LIPT2: variants seen among roughly 807,000 people sequenced by gnomAD.
LIPT2 encodes the protein octanoyl-[acyl-carrier-protein]:protein N-octanoyltransferase LIPT2, mitochondrial.
LIPT2 carries 16 observed loss-of-function variants against 16.2 expected under a neutral mutation model. The ratio of observed to expected loss-of-function variants is 0.99; its 90% CI spans 0.67 to 1.50. The LOEUF is 1.50. LIPT2 is among the 40% of genes most tolerant of loss of function. The pLI, the probability that LIPT2 is intolerant of heterozygous loss-of-function variation, is 0.00. For missense variants in LIPT2, 424 were observed against 347.7 expected (o/e 1.22, Z -1.75); for synonymous variants, 199 against 169.3 (o/e 1.18, Z -1.36).
In LIPT2 at chr11:74,492,098, C is replaced by T. The variant is rs1335994381; in HGVS notation, c.*37G>A. On this transcript the variant is annotated 3_prime_UTR_variant, in exon 2 of 2. Transcript: ENST00000310109. ...GTGACTCAAGTCAGACTTCATGCTTCCCAAGGCAGGAGCATCCTGGCTGTT... is the reference window on the plus strand; with the variant it reads ...GTGACTCAAGTCAGACTTCATGCTTTCCAAGGCAGGAGCATCCTGGCTGTT... 6.6e-7 allele frequency: 1 copy of T among 1,506,134 alleles called. No individual in the cohort carries two copies. Among genetic ancestry groups the T allele is most frequent in the African/African-American group, 1.4e-5 (1 of 72,136 alleles). 93.3% of individuals were successfully genotyped at this position (1,506,134 alleles called of 1,614,324 possible). A position where few individuals can be genotyped will look rare whatever the true frequency, so the allele number is the denominator to read the frequency against.
rs1297274437 is a variant in LIPT2 at position 74,493,713 on chromosome 11, C to G, written c.-10G>C. On this transcript the variant is annotated 5_prime_UTR_variant, in exon 1 of 2. Coordinates refer to ENST00000310109, the MANE Select transcript of LIPT2 (RefSeq NM_001144869.3). ...CGGCGGGTTGCCGCATCGTGCCCAC[C>G]GTTGCGTCCGCGGGGCCCCGCCCTC... 2 of 1,355,696 alleles carry G rather than the reference C, an allele frequency of 1.5e-6. No homozygotes were observed. The highest frequency in any genetic ancestry group is 1.9e-6 in the Non-Finnish European group (2 of 1,061,276). The allele number at this position is 1,355,696 out of a possible 1,614,324, so 84.0% of individuals were successfully genotyped here.
Position 74,491,879 on chromosome 11 carries a change from C to G in LIPT2, c.*256G>C, listed in dbSNP as rs953062623. 2 of 466,404 alleles carry G rather than the reference C, an allele frequency of 4.3e-6. No homozygotes were observed. The highest frequency in any genetic ancestry group is 7.9e-6 in the Non-Finnish European group (2 of 254,278). The allele number at this position is 466,404 out of a possible 1,614,324, so 28.9% of individuals were successfully genotyped here. On this transcript the variant is annotated 3_prime_UTR_variant, in exon 2 of 2. Coordinates refer to ENST00000310109, the MANE Select transcript of LIPT2 (RefSeq NM_001144869.3). ...CTGAATTTCTCTGAGACACTGCTGT[C>G]AATAGCAGTGCTAATGTTTTATATA...
At position 74,490,700 on chromosome 11, in the gene LIPT2, AAAAAT is replaced by A. The variant is rs1281729967; in HGVS notation, c.*1430_*1434del. The stretch of plus-strand genomic sequence containing the variant: ...ACATAGCAAAGCCTCATTTCTTAAA[AAAAAT>A]AAAAATAAAATAAAATAAAAATAAC... On this transcript the variant is annotated 3_prime_UTR_variant, in exon 2 of 2. Coordinates refer to ENST00000310109, the MANE Select transcript of LIPT2 (RefSeq NM_001144869.3). Among the ~76,000 whole-genome samples, 12 of 152,286 alleles carry A rather than the reference AAAAAT, an allele frequency of 7.9e-5. No individual in the cohort carries two copies. Among genetic ancestry groups the A allele is most frequent in the African/African-American group, 2.9e-4 (12 of 41,552 alleles).
chr11:74,493,521 C>A lies in LIPT2; in HGVS notation c.183G>T (p.Leu61=). The change falls in exon 1 of 2, where the codon CTG becomes CTT. Residue 61 remains leucine, a synonymous_variant. Coordinates refer to ENST00000310109, the MANE Select transcript of LIPT2 (RefSeq NM_001144869.3). The part of the protein sequence containing the change: ...EPAGPVYTAG[L]RGGLTPEETA... ...TTTCCTCGGGCGTCAGGCCGCCGCG[C>A]AGCCCGGCCGTATACACGGGCCCCG... 7.0e-7 allele frequency: 1 copy of A among 1,421,672 alleles called. No individual in the cohort carries two copies. The highest frequency in any genetic ancestry group is 1.4e-5 in the South Asian group (1 of 69,270). 88.1% of individuals were successfully genotyped at this position (1,421,672 alleles called of 1,614,324 possible).
At position 74,493,203 on chromosome 11, in the gene LIPT2, G is replaced by C; in HGVS notation, c.466+35C>G. On this transcript the variant is annotated intron_variant, in intron 1 of 1. Coordinates refer to ENST00000310109, the MANE Select transcript of LIPT2 (RefSeq NM_001144869.3). ...CCCCCAGGCCTCAAGCTCCGACCTCGGCTCTCAGGTACCGCCCTGCTCCGC... is the reference window on the plus strand; with the variant it reads ...CCCCCAGGCCTCAAGCTCCGACCTCCGCTCTCAGGTACCGCCCTGCTCCGC... 4 of 1,307,750 alleles carry C rather than the reference G, an allele frequency of 3.1e-6. No individual in the cohort carries two copies. In the South Asian group the frequency reaches 8.3e-5, roughly 27 times the overall value. 81.0% of individuals were successfully genotyped at this position (1,307,750 alleles called of 1,614,324 possible). A position where few individuals can be genotyped will look rare whatever the true frequency, so the allele number is the denominator to read the frequency against.
Position 74,493,288 on chromosome 11 carries a change from G to A in LIPT2, c.416C>T (p.Pro139Leu). ...LQGLQDARAR[P>L]PPYTGVWLDD... ...TAGCCAGACGCCAGTGTAGGGCGGG[G>A]GCCGCGCGCGGGCGTCCTGCAGGCC... Residue 139 changes from proline (P) to leucine (L), a missense_variant, in exon 1 of 2, where the codon CCC (proline) becomes CTC (leucine). Coordinates refer to ENST00000310109, the MANE Select transcript of LIPT2 (RefSeq NM_001144869.3). 7.1e-7 allele frequency: 1 copy of A among 1,417,874 alleles called. No individual in the cohort carries two copies. 87.8% of individuals were successfully genotyped at this position (1,417,874 alleles called of 1,614,324 possible). A position where few individuals can be genotyped will look rare whatever the true frequency, so the allele number is the denominator to read the frequency against.
Position 74,493,279 on chromosome 11 carries a change from T to C in LIPT2, c.425A>G (p.Tyr142Cys). The part of the protein sequence containing the change: ...LQDARARPPP[Y>C]TGVWLDDRKI... ...GCGATCGTCTAGCCAGACGCCAGTG[T>C]AGGGCGGGGGCCGCGCGCGGGCGTC... Residue 142 changes from tyrosine to cysteine, a missense_variant, in exon 1 of 2, where the codon TAC becomes TGC. Physicochemically the swap from Tyr to Cys is radical, Grantham distance 194 (BLOSUM62 -2). Coordinates refer to ENST00000310109, the MANE Select transcript of LIPT2 (RefSeq NM_001144869.3). The C allele has an allele frequency of 4.3e-6, 6 of 1,410,266 alleles. No homozygotes were observed. The highest frequency in any genetic ancestry group is 2.0e-4 in the Middle Eastern group (1 of 5,106). The allele number at this position is 1,410,266 out of a possible 1,614,324, so 87.4% of individuals were successfully genotyped here. A position where few individuals can be genotyped will look rare whatever the true frequency, so the allele number is the denominator to read the frequency against.
rs888721791 is a variant in LIPT2, at chr11:74,493,632, G to A, written c.72C>T (p.Asp24=). 1.4e-5 allele frequency: 21 copies of A among 1,459,588 alleles called. No homozygotes were observed. The Admixed American group carries it at 4.6e-4, about 32-fold the overall frequency. 90.4% of individuals were successfully genotyped at this position (1,459,588 alleles called of 1,614,324 possible). A position where few individuals can be genotyped will look rare whatever the true frequency, so the allele number is the denominator to read the frequency against. ...VPYAELLGLQ[D]RWLRRLQAEP... is the part of the protein sequence containing the mutation. ...CGGCCTGCAGCCGCCGCAGCCAGCG[G>A]TCCTGCAGCCCCAGTAGCTCGGCGT... is the stretch of plus-strand genomic sequence containing the variant. The change falls in exon 1 of 2, where the codon GAC becomes GAT. Residue 24 remains aspartate (D), a synonymous_variant. Coordinates refer to ENST00000310109, the MANE Select transcript of LIPT2 (RefSeq NM_001144869.3).
At position 74,493,718 on chromosome 11, in the gene LIPT2, C is replaced by A. The variant is rs1252840431; in HGVS notation, c.-15G>T. On this transcript the variant is annotated 5_prime_UTR_variant, in exon 1 of 2. Transcript: ENST00000310109. Reference sequence around the variant, plus strand: ...GGTTGCCGCATCGTGCCCACCGTTGCGTCCGCGGGGCCCCGCCCTCTCCGT... The same window carrying A: ...GGTTGCCGCATCGTGCCCACCGTTGAGTCCGCGGGGCCCCGCCCTCTCCGT... 2.2e-6 allele frequency: 3 copies of A among 1,351,724 alleles called. No homozygotes were observed. The highest frequency in any genetic ancestry group is 1.5e-5 in the African/African-American group (1 of 65,158). 83.7% of individuals were successfully genotyped at this position (1,351,724 alleles called of 1,614,324 possible).
At chr11:74,492,903 C>CAAA (rs147536336) in intron 1 of LIPT2, among the ~76,000 whole-genome samples, 4 of 103,496 alleles carry the variant, frequency 3.9e-5, no homozygotes, top group East Asian at 2.7e-4. Context: ...GACTCTGTCT[C>CAAA]AAAAAAAAAA....
At chr11:74,493,197 G>C in intron 1 of LIPT2, 41 bp downstream of exon 1, 2 of 1,301,994 alleles carry the variant, frequency 1.5e-6, no homozygotes, top group Non-Finnish European at 9.8e-7. Context: ...CTCAAGCTCC[G>C]ACCTCGGCTC....
chr11:74,491,838 TAAC>T lies in LIPT2; in HGVS notation c.*294_*296del, dbSNP rs1374469344. ...ATCTATGACATCAACAATCGAGAAA[TAAC>T]AATCTATGACATCTGAATTTCTCTG... On this transcript the variant is annotated 3_prime_UTR_variant, in exon 2 of 2. Coordinates refer to ENST00000310109, the MANE Select transcript of LIPT2 (RefSeq NM_001144869.3). 6 of 349,578 alleles carry T rather than the reference TAAC, an allele frequency of 1.7e-5. No individual in the cohort carries two copies. The highest frequency in any genetic ancestry group is 1.2e-4 in the African/African-American group (6 of 48,600). The allele number at this position is 349,578 out of a possible 1,614,324, so 21.7% of individuals were successfully genotyped here.
At chr11:74,493,084 A>G in intron 1 of LIPT2, 154 bp downstream of exon 1, 1 of 459,928 alleles carries the variant, frequency 2.2e-6, no homozygotes, top group East Asian at 3.5e-5. Flanking sequence ...GGGCTTAAAA[A>G]CTCAAACGCA....
Position 74,491,669 on chromosome 11 carries a change from G to GTC in LIPT2, c.*464_*465dup, listed in dbSNP as rs1232505509. 6.4e-6 allele frequency: 1 copy of GTC among 155,218 alleles called. No homozygotes were observed. The highest frequency in any genetic ancestry group is 1.4e-5 in the Non-Finnish European group (1 of 69,932). The allele number at this position is 155,218 out of a possible 1,614,324, so 9.6% of individuals were successfully genotyped here. On this transcript the variant is annotated 3_prime_UTR_variant, in exon 2 of 2. Transcript: ENST00000310109. ...TCCCTTTATTGCAGAAAGAACCCAG[G>GTC]TCTCTTGAGAATGAAAAAGCACTAC...
chr11:74,493,686 A>T lies in LIPT2; in HGVS notation c.18T>A (p.Val6=). The T allele has an allele frequency of 7.2e-7, 1 of 1,389,194 alleles. No homozygotes were observed. 86.1% of individuals were successfully genotyped at this position (1,389,194 alleles called of 1,614,324 possible). MRQPA[V]RLVRLGRVPY... is the part of the protein sequence containing the mutation. ...GCACCCGACCCAGGCGCACCAACCG[A>T]ACGGCGGGTTGCCGCATCGTGCCCA... Residue 6 remains valine (V), a synonymous_variant, in exon 1 of 2, where the codon GTT becomes GTA. Transcript: ENST00000310109.
At position 74,491,123 on chromosome 11, in the gene LIPT2, C is replaced by T. The variant is rs1012035136; in HGVS notation, c.*1012G>A. On this transcript the variant is annotated 3_prime_UTR_variant, in exon 2 of 2. Transcript: ENST00000310109. ...TTGGCATGACTTGCTCTAGGGGAAG[C>T]CAGTTGCCCTGTCATGAGAACAATT... Among the ~76,000 whole-genome samples, 7 of 152,220 alleles carry T rather than the reference C, an allele frequency of 4.6e-5. No homozygotes were observed. Among genetic ancestry groups the T allele is most frequent in the Non-Finnish European group, 7.3e-5 (5 of 68,044 alleles).
In LIPT2 at chr11:74,490,940, A is replaced by C. The variant is rs1218588990; in HGVS notation, c.*1195T>G. ...CCACTCTTAATAGGCTGTGGTGGCC[A>C]TTCTTCAAGATGGCCCCTAATAATC... On this transcript the variant is annotated 3_prime_UTR_variant, in exon 2 of 2. Transcript: ENST00000310109. Among the ~76,000 whole-genome samples the C allele has an allele frequency of 6.6e-6, 1 of 152,200 alleles. No individual in the cohort carries two copies. Among genetic ancestry groups the C allele is most frequent in the African/African-American group, 2.4e-5 (1 of 41,448 alleles).
At position 74,493,367 on chromosome 11, in the gene LIPT2, G is replaced by C; in HGVS notation, c.337C>G (p.Arg113Gly). 6.6e-7 allele frequency: 1 copy of C among 1,511,670 alleles called. No individual in the cohort carries two copies. The highest frequency in any genetic ancestry group is 8.8e-7 in the Non-Finnish European group (1 of 1,136,916). The allele number at this position is 1,511,670 out of a possible 1,614,324, so 93.6% of individuals were successfully genotyped here. The change falls in exon 1 of 2, where the codon CGC (arginine) becomes GGC (glycine). Residue 113 changes from arginine (R) to glycine (G), a missense_variant. Arg to Gly is a moderately radical substitution (Grantham distance 125, BLOSUM62 -2). Transcript: ENST00000310109. ...GCCTCCAGCGACGCTACGTGCATGCGCAAGCGCAGGCCGAGACGCCGCAGG... is the reference window on the plus strand; with the variant it reads ...GCCTCCAGCGACGCTACGTGCATGCCCAAGCGCAGGCCGAGACGCCGCAGG... ...LDLRRLGLRL[R>G]MHVASLEACA...
rs1864331141 is a variant in LIPT2 at position 74,491,333 on chromosome 11, AC to A, written c.*801del. 6.6e-6 allele frequency among the ~76,000 whole-genome samples: 1 copy of A among 152,112 alleles called. No individual in the cohort carries two copies. Among genetic ancestry groups the A allele is most frequent in the African/African-American group, 2.4e-5 (1 of 41,400 alleles). On this transcript the variant is annotated 3_prime_UTR_variant, in exon 2 of 2. Coordinates refer to ENST00000310109, the MANE Select transcript of LIPT2 (RefSeq NM_001144869.3). ...TCGTGTGAGACCCTAACCTAGAAACACCCAGCTAAGCTTCCCCCAAATTCCT... is the reference window on the plus strand; with the variant it reads ...TCGTGTGAGACCCTAACCTAGAAACACCAGCTAAGCTTCCCCCAAATTCCT...
Sources: allele counts gnomAD v4.1 joint callset (sites outside exome capture counted in the v4.1 genomes callset), GRCh38; gene constraint gnomAD v4.1.1; transcripts MANE v1.5; gene names NCBI Gene and HGNC (gene_info 2026-07-23, HGNC 2026-07-21).